The following STAU1 variants were observed in gnomAD, a reference collection of about 807,000 sequenced individuals.
STAU1 encodes staufen double-stranded RNA binding protein 1.
STAU1 carries 13 observed loss-of-function variants against 62.9 expected under a neutral mutation model. The ratio of observed to expected loss-of-function variants is 0.21; its 90% confidence interval spans 0.13 to 0.33. The LOEUF (loss-of-function observed/expected upper bound fraction) is 0.33, where lower values mean the gene tolerates loss of function less well. Ranked by LOEUF, STAU1 falls within the 10% of genes least tolerant of loss-of-function variation. The pLI is 1.00. For missense variants in STAU1, 571 were observed against 712.1 expected (o/e 0.80, Z 2.25); for synonymous variants, 269 against 265.1 (o/e 1.01, Z -0.14).
At chr20:49,155,722 A>G (rs781402216) in intron 3 of STAU1, among the ~76,000 whole-genome samples, 11 of 152,234 alleles carry the variant, frequency 7.2e-5, no homozygotes, top group Admixed American at 5.2e-4. Context: ...TTGCATTAGA[A>G]TTATATTTTT....
At chr20:49,183,999 C>G (rs370675725) in intron 1 of STAU1, among the ~76,000 whole-genome samples, 3 of 151,346 alleles carry the variant, frequency 2.0e-5, no homozygotes, top group Non-Finnish European at 4.4e-5. Context: ...GCACGATAAC[C>G]GCTCACTGCA....
intron 5 of STAU1, among the ~76,000 whole-genome samples, chr20:49,150,404 G>C (rs548171757): frequency 1.3e-5 from 2 of 150,026 alleles, no homozygotes; most frequent in South Asian, 4.2e-4. Context: ...CTCTGTCCCT[G>C]AGGCTGGAGT....
chr20:49,158,312 T>C lies in STAU1; in HGVS notation c.206-4241A>G, dbSNP rs538100997. ...AAAAAGAAAAAATTAATTGAAGCTT[T>C]TATTCTTCTGATGTAATCACTGAAT... is the stretch of plus-strand genomic sequence containing the variant. On this transcript the variant is annotated intron_variant, in intron 3 of 13. Transcript: ENST00000371856. The C allele has an allele frequency of 9.3e-6, 6 of 648,534 alleles. No homozygotes were observed. In the South Asian group the frequency reaches 1.1e-4, roughly 12 times the overall value. 40.2% of individuals were successfully genotyped at this position (648,534 alleles called of 1,614,324 possible). A position where few individuals can be genotyped will look rare whatever the true frequency, so the allele number is the denominator to read the frequency against.
At chr20:49,166,462 C>T (rs533419828) in intron 2 of STAU1, among the ~76,000 whole-genome samples, 177 bp from the exon 3 acceptor site, 1 of 152,246 alleles carries the variant, frequency 6.6e-6, no homozygotes, top group African/African-American at 2.4e-5. Context: ...GTTTCTTGGC[C>T]TTGTGACTTT....
At chr20:49,149,312 G>A (rs945844829) in intron 5 of STAU1, among the ~76,000 whole-genome samples, 1 of 148,282 alleles carries the variant, frequency 6.7e-6, no homozygotes, top group East Asian at 2.0e-4. Context: ...AACAAAAGCA[G>A]GGAGAGACTG....
chr20:49,195,761 G>A, the STAU1 span, among the ~76,000 whole-genome samples: 1 of 150,542 alleles, frequency 6.6e-6, no homozygotes, highest in Non-Finnish European at 1.5e-5. Context: ...AAATTAGCCA[G>A]GCATGGTGGC....
intron 3 of STAU1, among the ~76,000 whole-genome samples, chr20:49,164,329 C>T (rs2093494247): frequency 6.6e-6 from 1 of 151,876 alleles, no homozygotes; most frequent in Non-Finnish European, 1.5e-5. Context: ...CAGGGTCTCG[C>T]TCTGTCTCCC....
chr20:49,206,040 G>A, the STAU1 span, among the ~76,000 whole-genome samples: 2 of 146,540 alleles, frequency 1.4e-5, no homozygotes, highest in African/African-American at 5.0e-5. Flanking sequence ...CTGGGGTGCA[G>A]TGGCACGATC....
chr20:49,210,396 G>A, the STAU1 span: 1 of 454,962 alleles, frequency 2.2e-6, no homozygotes, highest in East Asian at 7.0e-5. Context: ...TCTCATTCCA[G>A]GGGGCAAATG....
intron 1 of STAU1, among the ~76,000 whole-genome samples, chr20:49,180,387 GAT>G (rs1568940729): frequency 6.7e-6 from 1 of 150,370 alleles, no homozygotes; most frequent in Non-Finnish European, 1.5e-5. Context: ...GCAGCGGCAC[GAT>G]GTCAGGTCAC....
chr20:49,171,142 T>C (rs968054318), intron 2 of STAU1, among the ~76,000 whole-genome samples: 2 of 152,220 alleles, frequency 1.3e-5, no homozygotes, highest in Non-Finnish European at 2.9e-5. Context: ...TATTATTCTG[T>C]TCTCTTTAGT....
intron 1 of STAU1, among the ~76,000 whole-genome samples, chr20:49,187,141 G>T (rs1351195441): frequency 6.6e-6 from 1 of 152,172 alleles, no homozygotes; most frequent in Non-Finnish European, 1.5e-5. Context: ...CTCTAGATAG[G>T]TTTGCTCAAC....
the STAU1 span, among the ~76,000 whole-genome samples, chr20:49,194,075 A>G: frequency 1.3e-5 from 2 of 152,190 alleles, no homozygotes; most frequent in Non-Finnish European, 2.9e-5. Context: ...GGGGAATTAA[A>G]TGTGTACTTC....
the STAU1 span, among the ~76,000 whole-genome samples, chr20:49,210,896 T>C: frequency 6.6e-6 from 1 of 152,184 alleles, no homozygotes; most frequent in Non-Finnish European, 1.5e-5. Flanking sequence ...GTAATCTCTA[T>C]GTAGTTCCAA....
rs3091465 is a variant in STAU1, at chr20:49,188,264, CG to C, written c.-309del. 108,284 of 150,500 alleles carry C rather than the reference CG, an allele frequency of 0.72. 39,451 individuals carry two copies. The highest frequency in any genetic ancestry group is 0.82 in the African/African-American group (33,962 of 41,254). 9.3% of individuals were successfully genotyped at this position (150,500 alleles called of 1,614,324 possible). A position where few individuals can be genotyped will look rare whatever the true frequency, so the allele number is the denominator to read the frequency against. ...GTGGAGGAGGCGGGCGCCGCCGGGC[CG>C]GGGGGGGGAGGCGGTCAAAGGAAGC... On this transcript the variant is annotated 5_prime_UTR_variant, in exon 1 of 14. Transcript: ENST00000371856.
the STAU1 span, among the ~76,000 whole-genome samples, chr20:49,199,070 C>T: frequency 2.0e-5 from 3 of 151,430 alleles, no homozygotes; most frequent in South Asian, 4.2e-4. Context: ...CACTTGAACC[C>T]GGGAGGCAGA....
At chr20:49,189,682 G>A (rs1170720787), upstream of STAU1, among the ~76,000 whole-genome samples, 2 of 149,964 alleles carry the variant, frequency 1.3e-5, no homozygotes, top group Non-Finnish European at 3.0e-5. Context: ...AATTATGCTC[G>A]CGTTGTGAGA....
At chr20:49,205,847 T>G in the STAU1 span, among the ~76,000 whole-genome samples, 1 of 146,676 alleles carries the variant, frequency 6.8e-6, no homozygotes, top group Non-Finnish European at 1.5e-5. Flanking sequence ...GCTAATTTTG[T>G]ATTTTTAGTA....
At chr20:49,190,955 A>ATTTTTTTTTTTTTTTTTTTT (rs2093830433), upstream of STAU1, among the ~76,000 whole-genome samples, 1 of 146,158 alleles carries the variant, frequency 6.8e-6, no homozygotes. Flanking sequence ...GCCCAAGCTG[A>ATTTTTTTTTTTTTTTTTTTT]AGTGCAATGG....
Sources: allele counts gnomAD v4.1 joint callset (sites outside exome capture counted in the v4.1 genomes callset), GRCh38; gene constraint gnomAD v4.1.1; transcripts MANE v1.5; gene names NCBI Gene and HGNC (gene_info 2026-07-23, HGNC 2026-07-21).